OR11A1: variants seen among roughly 807,000 people sequenced by gnomAD.
The protein encoded by OR11A1 is olfactory receptor family 11 subfamily A member 1, also known as olfactory receptor 11A1.
For missense variants in OR11A1, 380 were observed against 378.2 expected (o/e 1.00, Z -0.04); for synonymous variants, 158 against 152.2 (o/e 1.04, Z -0.28).
In OR11A1 at chr6:29,426,561, C is replaced by G. The variant is rs1782818531; in HGVS notation, c.*133G>C. ...TAAAAAATTGTTGCCCTATCATTTT[C>G]ATTTTTAGTATAACTGCAGAAGAGT... On this transcript the variant is annotated 3_prime_UTR_variant, in exon 5 of 5. Transcript: ENST00000377149. 1.5e-6 allele frequency: 1 copy of G among 658,712 alleles called. No homozygotes were observed. The highest frequency in any genetic ancestry group is 2.7e-5 in the East Asian group (1 of 36,598). The allele number at this position is 658,712 out of a possible 1,614,324, so 40.8% of individuals were successfully genotyped here.
At chr6:29,440,870 C>A in intron 1 of OR11A1, 4 of 1,613,894 alleles carry the variant, frequency 2.5e-6, no homozygotes, top group Non-Finnish European at 3.4e-6. Flanking sequence ...CCATCCTCAA[C>A]CCCATCATCT....
At chr6:29,436,482 ATATATAT>A (rs1783637402) in intron 1 of OR11A1, among the ~76,000 whole-genome samples, 2 of 152,150 alleles carry the variant, frequency 1.3e-5, no homozygotes, top group African/African-American at 4.8e-5. Flanking sequence ...ATGATCAACG[ATATATAT>A]TATATAAGAT....
Position 29,453,354 on chromosome 6 carries a change from A to G in OR11A1, c.-389+3633T>C, listed in dbSNP as rs2151405963. Among the ~76,000 whole-genome samples the G allele has an allele frequency of 6.6e-6, 1 of 152,232 alleles. No homozygotes were observed. Among genetic ancestry groups the G allele is most frequent in the East Asian group, 1.9e-4 (1 of 5,188 alleles). On this transcript the variant is annotated intron_variant, in intron 1 of 4. Transcript: ENST00000377149. The surrounding 1 kb of genome is among the most constrained non-coding windows in gnomAD (Gnocchi z 4.5). ...GGTGTCTGGAAATAAACCAAGGCAA[A>G]TAATAAATTGAGAACCACTTTTTCA...
chr6:29,452,202 G>A (rs1302712213), intron 1 of OR11A1, among the ~76,000 whole-genome samples: 5 of 152,084 alleles, frequency 3.3e-5, no homozygotes, highest in Non-Finnish European at 7.4e-5. Context: ...AGGATGGTGA[G>A]GGTCAAAAAA....
At position 29,427,425 on chromosome 6, in the gene OR11A1, T is replaced by C; in HGVS notation, c.217A>G (p.Ile73Val). ...GGCATCACTGCGGAGGTGTAGAGAATATCCAGGAAGGACAGATTCGCCAAG... is the reference window on the plus strand; with the variant it reads ...GGCATCACTGCGGAGGTGTAGAGAACATCCAGGAAGGACAGATTCGCCAAG... Reference protein sequence around the residue: ...IFLANLSFLDILYTSAVMPKM... With the variant: ...IFLANLSFLDVLYTSAVMPKM... The change falls in exon 5 of 5, where the codon ATT becomes GTT. Residue 73 changes from isoleucine to valine, a missense_variant. By Grantham distance (29) the Ile-to-Val change is conservative. Transcript: ENST00000377149. The C allele has an allele frequency of 6.2e-7, 1 of 1,613,068 alleles. No homozygotes were observed. The highest frequency in any genetic ancestry group is 1.1e-5 in the South Asian group (1 of 91,080).
chr6:29,447,076 T>C (rs761220972), intron 1 of OR11A1, among the ~76,000 whole-genome samples: 4 of 152,256 alleles, frequency 2.6e-5, no homozygotes, highest in Non-Finnish European at 5.9e-5. Context: ...CAATGTTTTC[T>C]GCCTCTTTGT....
chr6:29,443,728 C>T (rs1004442917), intron 1 of OR11A1, among the ~76,000 whole-genome samples: 1 of 152,174 alleles, frequency 6.6e-6, no homozygotes, highest in Non-Finnish European at 1.5e-5. Flanking sequence ...TAAGTAATCA[C>T]TTTTCCTCTT....
chr6:29,426,493 T>A lies in OR11A1; in HGVS notation c.*201A>T. The A allele has an allele frequency of 1.8e-6, 1 of 553,554 alleles. No individual in the cohort carries two copies. The highest frequency in any genetic ancestry group is 3.2e-6 in the Non-Finnish European group (1 of 313,316). 34.3% of individuals were successfully genotyped at this position (553,554 alleles called of 1,614,324 possible). On this transcript the variant is annotated 3_prime_UTR_variant, in exon 5 of 5. Transcript: ENST00000377149. Reference sequence around the variant, plus strand: ...AACCCCCATGACACAAGTTTACCTATGTAACAAACCTGCACATGTACCCTT... The same window carrying A: ...AACCCCCATGACACAAGTTTACCTAAGTAACAAACCTGCACATGTACCCTT...
rs1293152230 is a variant in OR11A1 at position 29,426,170 on chromosome 6, T to A, written c.*524A>T. On this transcript the variant is annotated 3_prime_UTR_variant, in exon 5 of 5. Coordinates refer to ENST00000377149, the MANE Select transcript of OR11A1 (RefSeq NM_001394828.1). ...TATTTTGGTATTGCTGTATTATTTT[T>A]AAATATTTATGACATATTTAATAAA... 1 of 152,806 alleles carries A rather than the reference T, an allele frequency of 6.5e-6. No homozygotes were observed. The highest frequency in any genetic ancestry group is 2.4e-5 in the African/African-American group (1 of 41,466). 9.5% of individuals were successfully genotyped at this position (152,806 alleles called of 1,614,324 possible). A position where few individuals can be genotyped will look rare whatever the true frequency, so the allele number is the denominator to read the frequency against.
chr6:29,428,328 A>G, intron 4 of OR11A1: 2 of 985,588 alleles, frequency 2.0e-6, no homozygotes, highest in Non-Finnish European at 2.4e-6. Flanking sequence ...GTAATAGGGA[A>G]GGAAGTAGGT....
intron 1 of OR11A1, among the ~76,000 whole-genome samples, chr6:29,444,095 G>A (rs1299041286): frequency 1.3e-5 from 2 of 152,238 alleles, no homozygotes; most frequent in South Asian, 2.1e-4. Context: ...TTGTGGGAGG[G>A]ACCTGGTGAG....
chr6:29,429,118 C>CA (rs1017017102), intron 3 of OR11A1, among the ~76,000 whole-genome samples, 158 bp from the exon 4 acceptor site: 7 of 152,094 alleles, frequency 4.6e-5, no homozygotes, highest in Non-Finnish European at 7.4e-5. Flanking sequence ...TTTATTATCA[C>CA]AAAAAATGTA....
chr6:29,443,000 A>T (rs185840696), intron 1 of OR11A1, among the ~76,000 whole-genome samples: 4 of 152,356 alleles, frequency 2.6e-5, no homozygotes, highest in Admixed American at 2.6e-4. Context: ...GTTTACATTG[A>T]GAAAGATTAC....
intron 1 of OR11A1, chr6:29,440,644 T>C: frequency 6.2e-7 from 1 of 1,614,162 alleles, no homozygotes; most frequent in African/African-American, 1.3e-5. Context: ...CTCTGCCCCT[T>C]TGGCCTCATC....
At chr6:29,450,419 C>T (rs911770150) in intron 1 of OR11A1, 17 of 152,208 alleles carry the variant, frequency 1.1e-4, no homozygotes, top group African/African-American at 3.6e-4. Flanking sequence ...AGAATCCAAC[C>T]TCATCCTTGA....
intron 1 of OR11A1, among the ~76,000 whole-genome samples, chr6:29,443,753 C>T (rs765762193): frequency 1.3e-5 from 2 of 152,180 alleles, no homozygotes; most frequent in Middle Eastern, 3.2e-3. Context: ...TGACAGCTAG[C>T]AAGTTTCCAC....
intron 1 of OR11A1, among the ~76,000 whole-genome samples, chr6:29,445,047 C>T (rs1329785962): frequency 6.6e-6 from 1 of 152,138 alleles, no homozygotes; most frequent in African/African-American, 2.4e-5. Flanking sequence ...ACTCTTGTTG[C>T]CCAGGCTAGA....
chr6:29,431,312 C>G (rs936790486), intron 2 of OR11A1, among the ~76,000 whole-genome samples: 1 of 151,874 alleles, frequency 6.6e-6, no homozygotes, highest in Non-Finnish European at 1.5e-5. Context: ...AAGCAGAAAA[C>G]CAAAAAGTTA....
rs142067467 is a variant in OR11A1, at chr6:29,449,713, T to C, written c.-389+7274A>G. Among the ~76,000 whole-genome samples, 1,255 of 152,186 alleles carry C rather than the reference T, an allele frequency of 8.2e-3. 18 individuals carry two copies. The highest frequency in any genetic ancestry group is 0.027 in the African/African-American group (1,127 of 41,522). Reference sequence around the variant, plus strand: ...GTTCAGTGGCATGATCTCGGCTCAATGCAACCTCCACCTCCCAGGTTTAAG... The same window carrying C: ...GTTCAGTGGCATGATCTCGGCTCAACGCAACCTCCACCTCCCAGGTTTAAG... On this transcript the variant is annotated intron_variant, in intron 1 of 4. Coordinates refer to ENST00000377149, the MANE Select transcript of OR11A1 (RefSeq NM_001394828.1).
Sources: allele counts gnomAD v4.1 joint callset (sites outside exome capture counted in the v4.1 genomes callset), GRCh38; gene constraint gnomAD v4.1.1; non-coding constraint Gnocchi (gnomAD v3.1); transcripts MANE v1.5; gene names NCBI Gene and HGNC (gene_info 2026-07-23, HGNC 2026-07-21).